Variants in CDH18 observed in about 807,000 individuals in gnomAD.
CDH18 encodes the protein cadherin 18, also known as cadherin-18.
In CDH18, 31 loss-of-function variants were observed where a neutral mutation model predicts 67.9. That is an observed-to-expected ratio of 0.46 (90% CI 0.34 to 0.62). The LOEUF is 0.62. Ranked by LOEUF, CDH18 falls within the 20% of genes least tolerant of loss-of-function variation. The probability of loss-of-function intolerance (pLI) is 0.01; values close to 1 mark genes in which losing one functional copy is unlikely to be tolerated. For missense variants in CDH18, 890 were observed against 975.5 expected, an observed-to-expected ratio of 0.91 and a Z score of 1.17; for synonymous variants, 362 against 347.2, an observed-to-expected ratio of 1.04 and a Z score of -0.48.
intron 5 of CDH18, among the ~76,000 whole-genome samples, chr5:19,646,162 T>C (rs529636990): frequency 6.6e-6 from 1 of 152,096 alleles, no homozygotes; most frequent in African/African-American, 2.4e-5. Flanking sequence ...GGTTGTAAAG[T>C]GAGGAGAGAA....
chr5:20,433,012 A>G (rs200948629), intron 1 of CDH18, among the ~76,000 whole-genome samples: 91 of 134,736 alleles, frequency 6.8e-4, no homozygotes, highest in African/African-American at 2.0e-3. Context: ...CATTGTGTGT[A>G]TATATATATA....
chr5:19,641,960 A>G (rs1754060678), intron 5 of CDH18, among the ~76,000 whole-genome samples: 1 of 152,010 alleles, frequency 6.6e-6, no homozygotes, highest in Admixed American at 6.5e-5. Context: ...AACAACAACA[A>G]AAAAACCTGT....
chr5:20,457,849 C>T (rs2150217724), intron 1 of CDH18, among the ~76,000 whole-genome samples: 1 of 152,190 alleles, frequency 6.6e-6, no homozygotes, highest in Non-Finnish European at 1.5e-5. Flanking sequence ...TTACCTAGTA[C>T]AGTGGCAGTG....
intron 5 of CDH18, among the ~76,000 whole-genome samples, chr5:19,669,575 G>A (rs1041113997): frequency 2.6e-5 from 4 of 152,130 alleles, no homozygotes; most frequent in African/African-American, 9.6e-5. Flanking sequence ...ACAGGCGTGA[G>A]CCACTGCACC....
At chr5:20,039,197 A>C (rs879572886) in intron 2 of CDH18, among the ~76,000 whole-genome samples, 1 of 152,234 alleles carries the variant, frequency 6.6e-6, no homozygotes, top group Non-Finnish European at 1.5e-5. Flanking sequence ...ATAGGAGAGT[A>C]CACAAACAAA....
intron 10 of CDH18, among the ~76,000 whole-genome samples, chr5:19,512,911 T>C (rs1362390697): frequency 1.3e-5 from 2 of 152,080 alleles, no homozygotes; most frequent in Non-Finnish European, 2.9e-5. Context: ...CATCATAAAA[T>C]GTGTACAAAA....
At chr5:20,554,584 CTTT>C (rs1757801978) in intron 1 of CDH18, among the ~76,000 whole-genome samples, 1 of 152,146 alleles carries the variant, frequency 6.6e-6, no homozygotes, top group African/African-American at 2.4e-5. Context: ...CATTGGATCA[CTTT>C]TTTATGTTTT....
intron 1 of CDH18, among the ~76,000 whole-genome samples, chr5:20,343,298 C>A (rs964319121): frequency 2.6e-5 from 4 of 152,090 alleles, no homozygotes; most frequent in Non-Finnish European, 5.9e-5. Context: ...ATACATTATA[C>A]AAACAGAAAA....
At chr5:20,422,137 C>CA (rs1361420592) in intron 1 of CDH18, among the ~76,000 whole-genome samples, 1 of 150,648 alleles carries the variant, frequency 6.6e-6, no homozygotes, top group African/African-American at 2.5e-5. Flanking sequence ...CTTTGTGGGA[C>CA]AAAAAAATTT....
chr5:20,459,952 G>T (rs1339725168), intron 1 of CDH18, among the ~76,000 whole-genome samples: 1 of 152,126 alleles, frequency 6.6e-6, no homozygotes, highest in Admixed American at 6.6e-5. Context: ...ATTTTGAATA[G>T]ATTCTCTCCT....
At chr5:19,957,586 T>C (rs72740892) in intron 2 of CDH18, among the ~76,000 whole-genome samples, 44,201 of 151,716 alleles carry the variant, frequency 0.29, 7,868 homozygotes, top group Admixed American at 0.4. Context: ...AGTTATTGTT[T>C]ATCACTTGGA....
intron 4 of CDH18, among the ~76,000 whole-genome samples, chr5:19,733,967 G>C (rs1040446534): frequency 2.6e-5 from 4 of 152,178 alleles, no homozygotes; most frequent in Non-Finnish European, 5.9e-5. Context: ...ACTCCTGCCA[G>C]GGGCTGAGCG....
intron 1 of CDH18, among the ~76,000 whole-genome samples, chr5:20,505,872 G>C (rs891495246): frequency 2.0e-5 from 3 of 152,160 alleles, no homozygotes; most frequent in Non-Finnish European, 4.4e-5. Flanking sequence ...TGGACTTGCA[G>C]AGCATACACT....
intron 5 of CDH18, among the ~76,000 whole-genome samples, chr5:19,664,073 T>G (rs1463545447): frequency 6.6e-6 from 1 of 151,894 alleles, no homozygotes; most frequent in African/African-American, 2.4e-5. Flanking sequence ...CTAAATTGGA[T>G]TCAGCAACAC....
At chr5:20,155,543 T>C (rs752055395) in intron 2 of CDH18, among the ~76,000 whole-genome samples, 12 of 152,120 alleles carry the variant, frequency 7.9e-5, no homozygotes, top group Non-Finnish European at 1.2e-4. Context: ...CTGTGTTGAG[T>C]ATTTCTTTTG....
At chr5:19,587,389 C>T (rs114035513) in intron 7 of CDH18, among the ~76,000 whole-genome samples, 2,472 of 152,100 alleles carry the variant, frequency 0.016, 69 homozygotes, top group African/African-American at 0.056. Flanking sequence ...AAAGGTAATA[C>T]GTAGGTTTTT....
chr5:20,196,758 T>TG (rs1561868558), intron 2 of CDH18, among the ~76,000 whole-genome samples: 1 of 152,240 alleles, frequency 6.6e-6, no homozygotes, highest in African/African-American at 2.4e-5. Flanking sequence ...TACATTCCTA[T>TG]GTTCTTCCAT....
chr5:20,023,024 TC>T (rs1167348183), intron 2 of CDH18, among the ~76,000 whole-genome samples: 1 of 152,192 alleles, frequency 6.6e-6, no homozygotes, highest in Non-Finnish European at 1.5e-5. Flanking sequence ...GATACACATT[TC>T]TTTCTAATGT....
At chr5:19,541,970 G>A (rs942703763) in intron 9 of CDH18, among the ~76,000 whole-genome samples, 4 of 152,012 alleles carry the variant, frequency 2.6e-5, no homozygotes, top group African/African-American at 9.7e-5. Context: ...AATTGCTAAC[G>A]TCTGGTTATT....
Sources: allele counts gnomAD v4.1 joint callset (sites outside exome capture counted in the v4.1 genomes callset), GRCh38; gene constraint gnomAD v4.1.1; transcripts MANE v1.5; gene names NCBI Gene and HGNC (gene_info 2026-07-23, HGNC 2026-07-21).